Variants in KCNAB1 observed in about 807,000 individuals in gnomAD.
The protein encoded by KCNAB1 is potassium voltage-gated channel subfamily A regulatory beta subunit 1.
In KCNAB1, 35 loss-of-function variants were observed where a neutral mutation model predicts 64.6. That is an observed-to-expected ratio of 0.54 (90% CI 0.41 to 0.72). KCNAB1 has a LOEUF of 0.72. Among genes scored for constraint, KCNAB1 ranks in the 30% least tolerant of loss-of-function variants. The probability of loss-of-function intolerance (pLI) is 0.00; values close to 1 mark genes in which losing one functional copy is unlikely to be tolerated. For synonymous variants in KCNAB1, 177 were observed against 183.8 expected (o/e 0.96, Z 0.30); for missense variants, 401 against 512.9 (o/e 0.78, Z 2.11).
chr3:156,306,502 A>G (rs746223790), intron 1 of KCNAB1, among the ~76,000 whole-genome samples: 1 of 152,206 alleles, frequency 6.6e-6, no homozygotes, highest in Admixed American at 6.5e-5. Context: ...TCACTTTACT[A>G]CATTCAAGCA....
intron 3 of KCNAB1, 133 bp from the exon 4 acceptor site, chr3:156,457,320 C>CT (rs34093583): frequency 8.0e-6 from 12 of 1,491,626 alleles, no homozygotes; most frequent in Non-Finnish European, 1.1e-5. Context: ...CTTTCCCTCT[C>CT]CACTAAAACT....
intron 1 of KCNAB1, chr3:156,176,776 G>T (rs761573049): frequency 9.8e-4 from 871 of 885,172 alleles, no homozygotes; most frequent in Non-Finnish European, 1.5e-3. Context: ...CCTGCTTGCA[G>T]CAAAGCTCCT....
intron 1 of KCNAB1, among the ~76,000 whole-genome samples, chr3:156,215,269 A>C (rs1399334764): frequency 6.6e-6 from 1 of 152,228 alleles, no homozygotes; most frequent in Non-Finnish European, 1.5e-5. Flanking sequence ...GCTCTTGAGC[A>C]AGGCATAAGT....
intron 1 of KCNAB1, among the ~76,000 whole-genome samples, chr3:156,308,719 G>A (rs1191842764): frequency 6.6e-6 from 1 of 152,192 alleles, no homozygotes; most frequent in African/African-American, 2.4e-5. Context: ...CTTACAAGTT[G>A]TTAAGAGGAT....
chr3:156,492,824 C>T (rs567383258), intron 8 of KCNAB1, among the ~76,000 whole-genome samples: 2 of 152,036 alleles, frequency 1.3e-5, no homozygotes, highest in Non-Finnish European at 2.9e-5. Flanking sequence ...AAAGGCTGAA[C>T]CAAGAGAGCA....
intron 1 of KCNAB1, among the ~76,000 whole-genome samples, chr3:156,147,304 GTTC>G (rs1361436777): frequency 1.3e-5 from 2 of 152,154 alleles, no homozygotes; most frequent in Admixed American, 6.5e-5. Flanking sequence ...TCCTTTTGAG[GTTC>G]TTCTTTGTGT....
chr3:156,472,982 A>T (rs1714043905), intron 7 of KCNAB1, among the ~76,000 whole-genome samples: 1 of 152,186 alleles, frequency 6.6e-6, no homozygotes, highest in Non-Finnish European at 1.5e-5. Flanking sequence ...CTCAGCCCAC[A>T]CTGAGCTGTT....
At chr3:156,378,574 C>T (rs1053460540) in intron 1 of KCNAB1, among the ~76,000 whole-genome samples, 1 of 152,182 alleles carries the variant, frequency 6.6e-6, no homozygotes, top group African/African-American at 2.4e-5. Flanking sequence ...CCCTCATCCC[C>T]TCCTCTGAAC....
intron 1 of KCNAB1, among the ~76,000 whole-genome samples, chr3:156,175,326 C>T (rs1015037592): frequency 6.6e-6 from 1 of 152,050 alleles, no homozygotes; most frequent in Non-Finnish European, 1.5e-5. Flanking sequence ...AAATAAAATA[C>T]AACGTCCCTG....
At chr3:156,436,752 T>G (rs1214883798) in intron 2 of KCNAB1, among the ~76,000 whole-genome samples, 1 of 152,252 alleles carries the variant, frequency 6.6e-6, no homozygotes, top group Non-Finnish European at 1.5e-5. Context: ...TGCCCACTTT[T>G]TAATGGGGTT....
At chr3:156,492,117 T>G (rs1290671979) in intron 8 of KCNAB1, among the ~76,000 whole-genome samples, 1 of 152,140 alleles carries the variant, frequency 6.6e-6, no homozygotes, top group East Asian at 1.9e-4. Context: ...AAAATGTATA[T>G]TAATAGATAC....
chr3:156,123,858 A>G (rs1165823131), intron 1 of KCNAB1, among the ~76,000 whole-genome samples: 1 of 152,232 alleles, frequency 6.6e-6, no homozygotes, highest in Non-Finnish European at 1.5e-5. Context: ...TCTGTTTACA[A>G]AAGTAACATC....
chr3:156,515,887 C>A (rs747807646), intron 10 of KCNAB1, among the ~76,000 whole-genome samples: 4 of 152,152 alleles, frequency 2.6e-5, no homozygotes, highest in Non-Finnish European at 4.4e-5. Context: ...TCAATAACAA[C>A]CGTAATAATT....
chr3:156,236,200 T>C (rs1314338364), intron 1 of KCNAB1, among the ~76,000 whole-genome samples: 1 of 152,206 alleles, frequency 6.6e-6, no homozygotes, highest in African/African-American at 2.4e-5. Context: ...TGAAAAAGAT[T>C]CTTTGTGCTG....
intron 11 of KCNAB1, among the ~76,000 whole-genome samples, chr3:156,521,139 T>G (rs1307038681): frequency 6.6e-6 from 1 of 152,204 alleles, no homozygotes; most frequent in Non-Finnish European, 1.5e-5. Flanking sequence ...CAATTGTCCC[T>G]TTGACAAATA....
intron 1 of KCNAB1, among the ~76,000 whole-genome samples, chr3:156,410,130 G>A (rs1445086963): frequency 6.6e-6 from 1 of 152,186 alleles, no homozygotes; most frequent in Admixed American, 6.5e-5. Flanking sequence ...AAGGATGTTG[G>A]CTTCAAGAGA....
chr3:156,342,075 G>C (rs16826013), intron 1 of KCNAB1, among the ~76,000 whole-genome samples: 1,699 of 152,190 alleles, frequency 0.011, 38 homozygotes, highest in African/African-American at 0.039. Context: ...TGCTACCTTC[G>C]GCTTCATTGT....
At chr3:156,205,741 A>G (rs1714617313) in intron 1 of KCNAB1, among the ~76,000 whole-genome samples, 1 of 152,030 alleles carries the variant, frequency 6.6e-6, no homozygotes, top group African/African-American at 2.4e-5. Flanking sequence ...TCTAATCCCC[A>G]TTGTCTGTCC....
chr3:156,139,442 C>T (rs1326699289), intron 1 of KCNAB1, among the ~76,000 whole-genome samples: 1 of 152,182 alleles, frequency 6.6e-6, no homozygotes, highest in Non-Finnish European at 1.5e-5. Context: ...GCACCACTGC[C>T]TGAACCTCCA....
Sources: allele counts gnomAD v4.1 joint callset (sites outside exome capture counted in the v4.1 genomes callset), GRCh38; gene constraint gnomAD v4.1.1; transcripts MANE v1.5; gene names NCBI Gene and HGNC (gene_info 2026-07-23, HGNC 2026-07-21).